CFAP54: variants seen among roughly 807,000 people sequenced by gnomAD.
The protein encoded by CFAP54 is cilia and flagella associated protein 54.
In CFAP54, 290 loss-of-function variants were observed where a neutral mutation model predicts 370.4. The observed-to-expected ratio is 0.78, with a 90% CI of 0.71 to 0.86. The LOEUF is 0.86. CFAP54 is among the 40% of genes least tolerant of loss of function. CFAP54 has a pLI of 0.00. For missense variants in CFAP54, 3,399 were observed against 3,528.7 expected (o/e 0.96, Z 0.93); for synonymous variants, 1,206 against 1,236.5 (o/e 0.98, Z 0.52).
intron 27 of CFAP54, 66 bp downstream of exon 27, chr12:96,621,787 A>G (rs1956493320): frequency 1.8e-6 from 2 of 1,118,964 alleles, no homozygotes; most frequent in South Asian, 2.5e-5. Flanking sequence ...GTAATGTAGT[A>G]TTATTAAACA....
intron 66 of CFAP54, among the ~76,000 whole-genome samples, chr12:96,849,695 C>T (rs1959478862): frequency 6.6e-6 from 1 of 152,126 alleles, no homozygotes; most frequent in Non-Finnish European, 1.5e-5. Flanking sequence ...GCTTTCAAAA[C>T]TTTCCCAGAC....
chr12:96,726,384 G>T (rs11519689), intron 50 of CFAP54, among the ~76,000 whole-genome samples: 73,395 of 151,958 alleles, frequency 0.48, 18,086 homozygotes, highest in South Asian at 0.54. Flanking sequence ...AGATTCAACT[G>T]CTTCCTGGTT....
Position 96,651,617 on chromosome 12 carries a change from T to C in CFAP54, c.4902T>C (p.Thr1634=). ...MVLAHRGGYW[T]LLQNCCRALW... is the part of the protein sequence containing the mutation. ...TTGCTCATCGTGGTGGCTATTGGAC[T>C]CTGCTTCAGAACTGCTGTCGGGCCT... Residue 1634 remains threonine (T), a synonymous_variant, in exon 36 of 68, where the codon ACT becomes ACC. Transcript: ENST00000524981. The C allele has an allele frequency of 6.2e-7, 1 of 1,614,202 alleles. No homozygotes were observed. The highest frequency in any genetic ancestry group is 1.1e-5 in the South Asian group (1 of 91,086).
At chr12:96,679,531 A>G (rs1565939925) in intron 39 of CFAP54, 69 bp from the exon 40 acceptor site, 2 of 1,473,728 alleles carry the variant, frequency 1.4e-6, no homozygotes, top group African/African-American at 2.8e-5. Flanking sequence ...TGAATTATAA[A>G]CTTGCTGGCT....
At chr12:96,830,307 A>G (rs1959166774) in intron 66 of CFAP54, among the ~76,000 whole-genome samples, 1 of 152,178 alleles carries the variant, frequency 6.6e-6, no homozygotes, top group Non-Finnish European at 1.5e-5. Flanking sequence ...ACAATTTTAT[A>G]CTACCACCAA....
chr12:96,656,421 A>G (rs1956923953), intron 36 of CFAP54, among the ~76,000 whole-genome samples: 1 of 151,086 alleles, frequency 6.6e-6, no homozygotes, highest in African/African-American at 2.4e-5. Flanking sequence ...CTTGTTGCCC[A>G]GGCTGGAGTA....
chr12:96,801,164 A>T (rs141221993), intron 63 of CFAP54, among the ~76,000 whole-genome samples: 2 of 152,350 alleles, frequency 1.3e-5, no homozygotes, highest in East Asian at 3.9e-4. Flanking sequence ...GTGGCAGCAG[A>T]GTTGAAATCC....
chr12:96,499,982 C>CAAAAAA (rs1555217899), intron 1 of CFAP54, among the ~76,000 whole-genome samples: 2 of 146,552 alleles, frequency 1.4e-5, no homozygotes, highest in African/African-American at 5.0e-5. Flanking sequence ...CAAAACAAAA[C>CAAAAAA]AAAAAAAACC....
At position 96,498,657 on chromosome 12, in the gene CFAP54, A is replaced by C. The variant is rs377117307; in HGVS notation, c.318-2177A>C. On this transcript the variant is annotated intron_variant, in intron 1 of 67. Transcript: ENST00000524981. The stretch of plus-strand genomic sequence containing the variant: ...ACAGAGTGAGACTCCATCTCAAAAC[A>C]AAAAATAAAAAATAAACTCCTAGTA... Among the ~76,000 whole-genome samples, 10 of 152,328 alleles carry C rather than the reference A, an allele frequency of 6.6e-5. 1 individual carries two copies. The highest frequency in any genetic ancestry group is 3.9e-4 in the East Asian group (2 of 5,184).
intron 30 of CFAP54, among the ~76,000 whole-genome samples, chr12:96,629,636 A>G (rs1956585162): frequency 6.7e-6 from 1 of 149,348 alleles, no homozygotes; most frequent in South Asian, 2.2e-4. Context: ...ATATATTTTA[A>G]AACTTATTTA....
intron 26 of CFAP54, among the ~76,000 whole-genome samples, chr12:96,608,429 C>G (rs1281986274): frequency 1.3e-5 from 2 of 149,476 alleles, no homozygotes; most frequent in Non-Finnish European, 3.0e-5. Flanking sequence ...AAATATGTGA[C>G]CATGAGCAGA....
chr12:96,550,392 C>G (rs1955681941), intron 15 of CFAP54, among the ~76,000 whole-genome samples: 1 of 152,160 alleles, frequency 6.6e-6, no homozygotes, highest in South Asian at 2.1e-4. Flanking sequence ...GCCTGGCCAA[C>G]ATGGCAAAAC....
At chr12:96,843,342 C>T (rs963487290) in intron 66 of CFAP54, among the ~76,000 whole-genome samples, 7 of 152,126 alleles carry the variant, frequency 4.6e-5, no homozygotes, top group Admixed American at 3.9e-4. Context: ...GGAGGGAACC[C>T]AGTTATAAGG....
intron 17 of CFAP54, among the ~76,000 whole-genome samples, chr12:96,559,866 T>TC (rs1260708258): frequency 6.6e-6 from 1 of 152,080 alleles, no homozygotes; most frequent in African/African-American, 2.4e-5. Flanking sequence ...TTTTTTAGCA[T>TC]CCAATTGATC....
At chr12:96,826,234 A>G (rs1206310590) in intron 65 of CFAP54, among the ~76,000 whole-genome samples, 1 of 144,346 alleles carries the variant, frequency 6.9e-6, no homozygotes, top group Non-Finnish European at 1.5e-5. Context: ...GAAAAGGCCA[A>G]ATTTCAGGGT....
intron 60 of CFAP54, among the ~76,000 whole-genome samples, chr12:96,768,612 C>T (rs1395423623): frequency 6.6e-6 from 1 of 151,914 alleles, no homozygotes; most frequent in African/African-American, 2.4e-5. Flanking sequence ...CGAGATCACG[C>T]CACTCACTGC....
chr12:96,717,328 C>A (rs1379141827), intron 48 of CFAP54, among the ~76,000 whole-genome samples: 1 of 152,134 alleles, frequency 6.6e-6, no homozygotes, highest in Non-Finnish European at 1.5e-5. Context: ...AGCCCTAGCC[C>A]TCCCTCATCC....
intron 49 of CFAP54, among the ~76,000 whole-genome samples, chr12:96,720,035 A>T (rs1957729877): frequency 6.6e-6 from 1 of 152,200 alleles, no homozygotes; most frequent in South Asian, 2.1e-4. Context: ...GCAGTTAATG[A>T]AAATGTTGTG....
chr12:96,636,580 T>A (rs1314267528), intron 32 of CFAP54, among the ~76,000 whole-genome samples: 2 of 152,246 alleles, frequency 1.3e-5, no homozygotes, highest in African/African-American at 4.8e-5. Flanking sequence ...AAATTTTGTC[T>A]TTGTTGATCC....
Sources: allele counts gnomAD v4.1 joint callset (sites outside exome capture counted in the v4.1 genomes callset), GRCh38; gene constraint gnomAD v4.1.1; transcripts MANE v1.5; gene names NCBI Gene and HGNC (gene_info 2026-07-23, HGNC 2026-07-21).